The following CCDC33 variants were observed in gnomAD, a reference collection of about 807,000 sequenced individuals.
The protein encoded by CCDC33 is coiled-coil domain containing 33.
In CCDC33, 94 loss-of-function variants were observed where a neutral mutation model predicts 91.9. The observed-to-expected ratio is 1.02, with a 90% CI of 0.87 to 1.21. The LOEUF is 1.21. Among genes scored for constraint, CCDC33 ranks in the 50% most tolerant of loss-of-function variants. The pLI is 0.00. For synonymous variants in CCDC33, 396 were observed against 374.5 expected, an observed-to-expected ratio of 1.06 and a Z score of -0.66; for missense variants, 940 against 935.5, an observed-to-expected ratio of 1.00 and a Z score of -0.06.
chr15:74,243,571 G>A (rs2075415901), intron 1 of CCDC33, among the ~76,000 whole-genome samples: 2 of 152,220 alleles, frequency 1.3e-5, no homozygotes, highest in African/African-American at 4.8e-5. Context: ...TGCAGAGTGG[G>A]CGGAAGGGTG....
chr15:74,332,135 G>A (rs2060452237), intron 15 of CCDC33, among the ~76,000 whole-genome samples: 1 of 152,176 alleles, frequency 6.6e-6, no homozygotes, highest in Non-Finnish European at 1.5e-5. Context: ...AAAGGACCAG[G>A]TAACACCATA....
rs746354219 is a variant in CCDC33, at chr15:74,244,009, CT to C, written c.47del (p.Leu16ArgfsTer47). ...KKNTEDPEEP[L>X]IASQSTEPEI... is the part of the protein sequence containing the mutation. ...GAACACTGAAGACCCAGAGGAGCCC[CT>C]GATCGCCTCCCAGAGCACGGAACCT... is the stretch of plus-strand genomic sequence containing the variant. On this transcript the variant is annotated frameshift_variant, in exon 2 of 19. Coordinates refer to ENST00000398814, the MANE Select transcript of CCDC33 (RefSeq NM_025055.5). LOFTEE classifies it high-confidence loss of function. The surrounding 1 kb of genome is among the most constrained non-coding windows in gnomAD (Gnocchi z 4.2). 1.2e-6 allele frequency: 2 copies of C among 1,613,550 alleles called. No homozygotes were observed. The highest frequency in any genetic ancestry group is 1.7e-6 in the Non-Finnish European group (2 of 1,179,864).
At chr15:74,203,320 T>C in intron 1 of CCDC33, 1 of 491,098 alleles carries the variant, frequency 2.0e-6, no homozygotes, top group Non-Finnish European at 2.6e-6. Context: ...GAGCCCCGCC[T>C]GCCTCCTGCT....
chr15:74,236,530 C>A lies in CCDC33; in HGVS notation c.-190C>A. The A allele has an allele frequency of 4.9e-6, 2 of 407,814 alleles. No homozygotes were observed. The highest frequency in any genetic ancestry group is 8.9e-6 in the Non-Finnish European group (2 of 223,680). The allele number at this position is 407,814 out of a possible 1,614,324, so 25.3% of individuals were successfully genotyped here. ...CCTGGCCACCCTCCCCCTCCCCCCA[C>A]ATCCAGGCCCCAGGGCTGGTGTGTG... On this transcript the variant is annotated 5_prime_UTR_variant, in exon 1 of 19. Transcript: ENST00000398814.
chr15:74,308,495 T>TA (rs1189106953), intron 11 of CCDC33, among the ~76,000 whole-genome samples: 1 of 151,748 alleles, frequency 6.6e-6, no homozygotes, highest in African/African-American at 2.4e-5. Context: ...AGAGCTGCCG[T>TA]CCCCTCCTTA....
chr15:74,306,152 G>A (rs1331153415), intron 11 of CCDC33, among the ~76,000 whole-genome samples: 1 of 152,144 alleles, frequency 6.6e-6, no homozygotes, highest in African/African-American at 2.4e-5. Flanking sequence ...CAAGATATGT[G>A]ACAGTCACAT....
At chr15:74,256,157 G>A (rs1206692492) in intron 2 of CCDC33, among the ~76,000 whole-genome samples, 3 of 152,110 alleles carry the variant, frequency 2.0e-5, no homozygotes, top group African/African-American at 7.2e-5. Context: ...CTCATCCTTT[G>A]CCCACAGTCT....
At chr15:74,274,583 C>A (rs905281116) in intron 7 of CCDC33, among the ~76,000 whole-genome samples, 2 of 152,214 alleles carry the variant, frequency 1.3e-5, no homozygotes, top group African/African-American at 2.4e-5. Context: ...ACCCTGGGGA[C>A]AGAGGCTTCA....
chr15:74,334,018 C>A, intron 17 of CCDC33, 51 bp downstream of exon 17: 1 of 1,486,094 alleles, frequency 6.7e-7, no homozygotes, highest in Non-Finnish European at 9.3e-7. Flanking sequence ...ACCACACAGC[C>A]TATAACCAGG....
chr15:74,245,283 GC>G (rs1005636153), intron 2 of CCDC33, among the ~76,000 whole-genome samples: 2 of 152,100 alleles, frequency 1.3e-5, no homozygotes, highest in Non-Finnish European at 2.9e-5. Flanking sequence ...ATAAGTCCCT[GC>G]CCCCCCAGGG....
intron 11 of CCDC33, among the ~76,000 whole-genome samples, chr15:74,321,900 G>T (rs996743565): frequency 1.3e-5 from 2 of 152,142 alleles, no homozygotes; most frequent in Admixed American, 6.5e-5. Flanking sequence ...GGAGCTGAAG[G>T]GGGAGCATGT....
In CCDC33 at chr15:74,281,826, T is replaced by G; in HGVS notation, c.1072T>G (p.Ser358Ala). The change falls in exon 10 of 19, where the codon TCC becomes GCC. Residue 358 changes from serine (S) to alanine (A), a missense_variant. Coordinates refer to ENST00000398814, the MANE Select transcript of CCDC33 (RefSeq NM_025055.5). ...INDEAPTVAL[S>A]FQLLSSERPE... ...TGATGAGGCCCCCACAGTGGCTCTC[T>G]CCTTCCAGCTGCTTTCCTCTGAGGT... 6.2e-7 allele frequency: 1 copy of G among 1,614,074 alleles called. No individual in the cohort carries two copies. Among genetic ancestry groups the G allele is most frequent in the Non-Finnish European group, 8.5e-7 (1 of 1,179,962 alleles).
At chr15:74,286,831 G>C (rs1183664223) in intron 10 of CCDC33, among the ~76,000 whole-genome samples, 3 of 152,120 alleles carry the variant, frequency 2.0e-5, no homozygotes, top group Non-Finnish European at 4.4e-5. Context: ...CATTTGAGGA[G>C]AGGTGGCAGT....
chr15:74,234,682 A>G (rs2142215904), upstream of CCDC33, among the ~76,000 whole-genome samples: 1 of 152,318 alleles, frequency 6.6e-6, no homozygotes, highest in African/African-American at 2.4e-5. Context: ...CCAGGCAGGA[A>G]GATGGCAGGG....
chr15:74,254,914 A>ATTATTGTATTT (rs1234204477), intron 2 of CCDC33, among the ~76,000 whole-genome samples: 1 of 151,894 alleles, frequency 6.6e-6, no homozygotes, highest in African/African-American at 2.4e-5. Context: ...CACCCGGCTA[A>ATTATTGTATTT]TTATTGTATT....
intron 7 of CCDC33, among the ~76,000 whole-genome samples, chr15:74,273,285 G>A (rs1328028326): frequency 6.6e-6 from 1 of 152,234 alleles, no homozygotes; most frequent in Non-Finnish European, 1.5e-5. Context: ...GCTGGGGAAA[G>A]GGAAGAATGG....
Position 74,316,583 on chromosome 15 carries a change from T to C in CCDC33, c.1291-13606T>C, listed in dbSNP as rs1336057470. ...GGGGATAGCAGGGGGCACACACCCA[T>C]TTCCCTGGTGGGGAGGCTGAGGGGC... On this transcript the variant is annotated intron_variant, in intron 11 of 18. Transcript: ENST00000398814. This position sits in a 1 kb window ranked among gnomAD's most constrained non-coding sequence, Gnocchi z 4.7. Among the ~76,000 whole-genome samples the C allele has an allele frequency of 6.6e-6, 1 of 152,080 alleles. No individual in the cohort carries two copies. Among genetic ancestry groups the C allele is most frequent in the Non-Finnish European group, 1.5e-5 (1 of 68,008 alleles).
intron 7 of CCDC33, among the ~76,000 whole-genome samples, chr15:74,277,385 G>T (rs1343727147): frequency 3.3e-5 from 5 of 152,238 alleles, no homozygotes; most frequent in Admixed American, 2.6e-4. Flanking sequence ...GATGTGGGTG[G>T]GCCCAGGGGA....
intron 2 of CCDC33, among the ~76,000 whole-genome samples, chr15:74,222,273 T>G (rs2074620162): frequency 6.6e-6 from 1 of 152,100 alleles, no homozygotes; most frequent in African/African-American, 2.4e-5. Flanking sequence ...TTCCCAGAGA[T>G]ATAATTTCTG....
Sources: gnomAD v4.1 joint callset for allele counts (sites outside exome capture counted in the v4.1 genomes callset) on GRCh38, gnomAD v4.1.1 for gene constraint, Gnocchi (gnomAD v3.1) non-coding constraint, MANE v1.5 for transcripts, NCBI Gene and HGNC (gene_info 2026-07-23, HGNC 2026-07-21) for gene names.